Variants in ZNF92 observed in about 807,000 individuals in gnomAD.
The protein encoded by ZNF92 is zinc finger protein 92.
A neutral mutation model predicts 12.4 loss-of-function variants in ZNF92; 11 were observed. The observed-to-expected ratio is 0.89, with a 90% CI of 0.56 to 1.47. ZNF92 has a LOEUF of 1.47. ZNF92 is among the 40% of genes most tolerant of loss of function. ZNF92 has a pLI of 0.00. For synonymous variants in ZNF92, 206 were observed against 228.6 expected (o/e 0.90, Z 0.89); for missense variants, 622 against 681.0 (o/e 0.91, Z 0.96).
chr7:65,394,588 T>C (rs1451452353), intron 3 of ZNF92, among the ~76,000 whole-genome samples: 1 of 152,158 alleles, frequency 6.6e-6, no homozygotes, highest in Non-Finnish European at 1.5e-5. Context: ...AGTATTTTTA[T>C]AGAGATTATG....
chr7:65,385,936 C>G lies in ZNF92; in HGVS notation c.4-1966C>G, dbSNP rs778291247. ...TGCCATGTGTTTAGTACTTATAAACCTTCTCTACTTGTGCTTTTCCTCCCT... is the reference window on the plus strand; with the variant it reads ...TGCCATGTGTTTAGTACTTATAAACGTTCTCTACTTGTGCTTTTCCTCCCT... On this transcript the variant is annotated intron_variant, in intron 1 of 3. Coordinates refer to ENST00000328747, the MANE Select transcript of ZNF92 (RefSeq NM_152626.4). 3.3e-4 allele frequency among the ~76,000 whole-genome samples: 50 copies of G among 152,042 alleles called. No homozygotes were observed. In the Middle Eastern group the frequency reaches 0.01, roughly 31 times the overall value.
At position 65,388,821 on chromosome 7, in the gene ZNF92, A is replaced by G. The variant is rs148804613; in HGVS notation, c.146A>G (p.Lys49Arg). ...AATAAAACAGGTATTGCTGTCTCTA[A>G]GCCAGACCTGATCACCTGGCTGGAG... ...NLVFLGIAVS[K>R]PDLITWLEQG... Residue 49 changes from lysine to arginine, a missense_variant, in exon 3 of 4, where the codon AAG (lysine) becomes AGG (arginine). Physicochemically the swap from Lys to Arg is conservative, Grantham distance 26. Coordinates refer to ENST00000328747, the MANE Select transcript of ZNF92 (RefSeq NM_152626.4). The G allele has an allele frequency of 1.9e-6, 3 of 1,582,580 alleles. No homozygotes were observed. Among genetic ancestry groups the G allele is most frequent in the Non-Finnish European group, 2.6e-6 (3 of 1,161,550 alleles).
At position 65,398,329 on chromosome 7, in the gene ZNF92, T is replaced by C; in HGVS notation, c.227-12T>C. ...AGTAAGTGAAGTAACTTGTTATTTT[T>C]ATTTTTTTCAGTTATGTGTTCTCAT... On this transcript the variant is annotated splice_polypyrimidine_tract_variant and intron_variant, in intron 3 of 3. Coordinates refer to ENST00000328747, the MANE Select transcript of ZNF92 (RefSeq NM_152626.4). 2.0e-6 allele frequency: 3 copies of C among 1,507,122 alleles called. No homozygotes were observed. The highest frequency in any genetic ancestry group is 2.7e-6 in the Non-Finnish European group (3 of 1,130,694). The allele number at this position is 1,507,122 out of a possible 1,614,324, so 93.4% of individuals were successfully genotyped here. A position where few individuals can be genotyped will look rare whatever the true frequency, so the allele number is the denominator to read the frequency against.
At chr7:65,376,304 G>T (rs13241243) in intron 1 of ZNF92, among the ~76,000 whole-genome samples, 16,503 of 151,920 alleles carry the variant, frequency 0.11, 1,120 homozygotes, top group South Asian at 0.19. Flanking sequence ...ATTTTATTAG[G>T]GCTTGAAAGG....
chr7:65,373,909 G>A lies in ZNF92; in HGVS notation c.-89G>A. On this transcript the variant is annotated 5_prime_UTR_variant, in exon 1 of 4. Transcript: ENST00000328747. ...TAGTCTTCACTGCTCTGCGTCCTGT[G>A]CTGATAAAGGCTCGCCGCTGTGACC... The A allele has an allele frequency of 1.3e-6, 2 of 1,576,424 alleles. No individual in the cohort carries two copies. The highest frequency in any genetic ancestry group is 1.7e-6 in the Non-Finnish European group (2 of 1,145,966).
intron 1 of ZNF92, among the ~76,000 whole-genome samples, chr7:65,384,432 T>C (rs551516407): frequency 1.3e-5 from 2 of 152,164 alleles, no homozygotes; most frequent in African/African-American, 4.8e-5. Context: ...AGAAGTGTTT[T>C]GGGTGATGAA....
intron 1 of ZNF92, among the ~76,000 whole-genome samples, chr7:65,376,290 T>A (rs185766930): frequency 2.0e-5 from 3 of 152,114 alleles, no homozygotes; most frequent in African/African-American, 7.2e-5. Flanking sequence ...TTATTTTGAC[T>A]TTCATTTTAT....
In ZNF92 at chr7:65,400,826, G is replaced by C. The variant is rs1180268524; in HGVS notation, c.*951G>C. 6.6e-6 allele frequency: 1 copy of C among 151,870 alleles called. No homozygotes were observed. The highest frequency in any genetic ancestry group is 2.4e-5 in the African/African-American group (1 of 41,378). The allele number at this position is 151,870 out of a possible 1,614,324, so 9.4% of individuals were successfully genotyped here. A position where few individuals can be genotyped will look rare whatever the true frequency, so the allele number is the denominator to read the frequency against. Reference sequence around the variant, plus strand: ...CAAGTGATCTGTTGTTGCTGAATCAGAGATATGAGAGATTCTTTTTTATAG... The same window carrying C: ...CAAGTGATCTGTTGTTGCTGAATCACAGATATGAGAGATTCTTTTTTATAG... On this transcript the variant is annotated 3_prime_UTR_variant, in exon 4 of 4. Coordinates refer to ENST00000328747, the MANE Select transcript of ZNF92 (RefSeq NM_152626.4).
chr7:65,399,188 A>G lies in ZNF92; in HGVS notation c.1074A>G (p.Lys358=). Residue 358 remains lysine (K), a synonymous_variant, in exon 4 of 4, where the codon AAA becomes AAG. Coordinates refer to ENST00000328747, the MANE Select transcript of ZNF92 (RefSeq NM_152626.4). ...KAFNQFSNLT[K]HKIIHTGEKP... ...TTAACCAGTTCTCAAACCTTACTAA[A>G]CATAAGATAATTCATACTGGAGAGA... is the stretch of plus-strand genomic sequence containing the variant. 1 of 1,613,414 alleles carries G rather than the reference A, an allele frequency of 6.2e-7. No individual in the cohort carries two copies. Among genetic ancestry groups the G allele is most frequent in the Non-Finnish European group, 8.5e-7 (1 of 1,179,742 alleles).
rs1166662959 is a variant in ZNF92 at position 65,374,238 on chromosome 7, G to T, written c.3+238G>T. ...CGCAGTGACTGTGCTTTGGCCTGGA[G>T]CCCTCCCTGGGCAGCTCTGCACCCG... On this transcript the variant is annotated intron_variant, in intron 1 of 3. Coordinates refer to ENST00000328747, the MANE Select transcript of ZNF92 (RefSeq NM_152626.4). 4.6e-5 allele frequency among the ~76,000 whole-genome samples: 7 copies of T among 152,122 alleles called. No individual in the cohort carries two copies. The East Asian group carries it at 1.4e-3, about 29-fold the overall frequency.
At chr7:65,388,754 G>T in intron 2 of ZNF92, 52 bp from the exon 3 acceptor site, 1 of 1,439,980 alleles carries the variant, frequency 6.9e-7, no homozygotes, top group Non-Finnish European at 9.5e-7. Context: ...TTACTATGTT[G>T]GTAATTGGAG....
rs1418696772 is a variant in ZNF92, at chr7:65,399,686, T to G, written c.1572T>G (p.Leu524=). ...ATGCTTTTAACCAGTCCTCAAACCT[T>G]ACTGCACGTAAGATAATTTATACTG... ...CGNAFNQSSN[L]TARKIIYTGE... Residue 524 remains leucine, a synonymous_variant, in exon 4 of 4, where the codon CTT becomes CTG. Coordinates refer to ENST00000328747, the MANE Select transcript of ZNF92 (RefSeq NM_152626.4). 2.5e-6 allele frequency: 4 copies of G among 1,613,676 alleles called. No homozygotes were observed. The highest frequency in any genetic ancestry group is 1.7e-5 in the Admixed American group (1 of 59,990).
At chr7:65,397,976 A>T (rs1584291996) in intron 3 of ZNF92, among the ~76,000 whole-genome samples, 1 of 152,062 alleles carries the variant, frequency 6.6e-6, no homozygotes, top group Admixed American at 6.5e-5. Flanking sequence ...ATGTGCCAGT[A>T]TTTTTCTTGT....
At position 65,399,336 on chromosome 7, in the gene ZNF92, C is replaced by G; in HGVS notation, c.1222C>G (p.Gln408Glu). The G allele has an allele frequency of 6.2e-7, 1 of 1,613,026 alleles. No individual in the cohort carries two copies. ...KCEECGKAFK[Q>E]SSTLTEHKII... The stretch of plus-strand genomic sequence containing the variant: ...TGAAGAATGTGGCAAAGCTTTTAAA[C>G]AGTCCTCAACCCTTACTGAACATAA... The change falls in exon 4 of 4, where the codon CAG (glutamine) becomes GAG (glutamate). Residue 408 changes from glutamine to glutamate, a missense_variant. Physicochemically the swap from Gln to Glu is conservative, Grantham distance 29. Coordinates refer to ENST00000328747, the MANE Select transcript of ZNF92 (RefSeq NM_152626.4).
chr7:65,389,998 AT>A (rs1417941823), intron 3 of ZNF92, among the ~76,000 whole-genome samples: 2 of 151,816 alleles, frequency 1.3e-5, no homozygotes, highest in African/African-American at 4.8e-5. Context: ...TCCCTGGCTA[AT>A]TTTTTGTATT....
chr7:65,373,986 G>A lies in ZNF92; in HGVS notation c.-12G>A, dbSNP rs371238006. The A allele has an allele frequency of 1.2e-6, 2 of 1,614,138 alleles. No individual in the cohort carries two copies. The highest frequency in any genetic ancestry group is 3.3e-5 in the Admixed American group (2 of 60,022). On this transcript the variant is annotated 5_prime_UTR_variant, in exon 1 of 4. Transcript: ENST00000328747. The stretch of plus-strand genomic sequence containing the variant: ...CACAGCTAAGACGCCAGGACCCCCT[G>A]GAAGCCTAGAAATGGTGAGCCTGCT...
chr7:65,386,773 A>G (rs1298645322), intron 1 of ZNF92, among the ~76,000 whole-genome samples: 1 of 152,122 alleles, frequency 6.6e-6, no homozygotes, highest in Non-Finnish European at 1.5e-5. Flanking sequence ...GGGAAGTAAT[A>G]TCCCAGCAGT....
chr7:65,374,124 C>A, intron 1 of ZNF92, 124 bp downstream of exon 1: 3 of 1,345,172 alleles, frequency 2.2e-6, no homozygotes, highest in Non-Finnish European at 3.1e-6. Context: ...CCGAGTTCTC[C>A]TTGGCGCAGC....
intron 1 of ZNF92, among the ~76,000 whole-genome samples, chr7:65,381,364 G>GCT (rs1793413839): frequency 6.7e-6 from 1 of 149,788 alleles, no homozygotes; most frequent in African/African-American, 2.4e-5. Context: ...TTTTAATAAG[G>GCT]TTTTTTTTTT....
Sources: gnomAD v4.1 joint callset for allele counts (sites outside exome capture counted in the v4.1 genomes callset) on GRCh38, gnomAD v4.1.1 for gene constraint, MANE v1.5 for transcripts, NCBI Gene and HGNC (gene_info 2026-07-23, HGNC 2026-07-21) for gene names.